Variants in PDE3A observed in about 807,000 individuals in gnomAD.
PDE3A encodes phosphodiesterase 3A.
In PDE3A, 43 loss-of-function variants were observed where a neutral mutation model predicts 98.3. The ratio of observed to expected loss-of-function variants is 0.44; its 90% confidence interval spans 0.34 to 0.56. PDE3A has a LOEUF of 0.56. Ranked by LOEUF, PDE3A falls within the 20% of genes least tolerant of loss-of-function variation. The pLI is 0.01. For synonymous variants in PDE3A, 663 were observed against 567.9 expected (o/e 1.17, Z -2.38); for missense variants, 1,427 against 1,440.7 (o/e 0.99, Z 0.15).
chr12:20,563,331 A>G (rs1308260879), intron 2 of PDE3A, among the ~76,000 whole-genome samples: 3 of 152,306 alleles, frequency 2.0e-5, no homozygotes, highest in East Asian at 1.9e-4. Flanking sequence ...GAGTAATGCC[A>G]TATATATTTA....
At chr12:20,673,574 A>G (rs1945549224) in intron 15 of PDE3A, among the ~76,000 whole-genome samples, 2 of 150,482 alleles carry the variant, frequency 1.3e-5, no homozygotes, top group South Asian at 4.3e-4. Flanking sequence ...ATTGGAAAAC[A>G]TCATTCTCAG....
chr12:20,462,286 TTCGAGAC>T (rs1420612262), intron 1 of PDE3A, among the ~76,000 whole-genome samples: 1 of 152,046 alleles, frequency 6.6e-6, no homozygotes, highest in African/African-American at 2.4e-5. Context: ...AGGTCAGGAG[TTCGAGAC>T]CAGCCTGGCC....
At chr12:20,669,808 C>A (rs1283245613) in intron 15 of PDE3A, among the ~76,000 whole-genome samples, 1 of 151,082 alleles carries the variant, frequency 6.6e-6, no homozygotes, top group Non-Finnish European at 1.5e-5. Flanking sequence ...GCAAAATAAC[C>A]AGCTAACATC....
At chr12:20,504,411 G>A (rs750251997) in intron 1 of PDE3A, among the ~76,000 whole-genome samples, 4 of 151,966 alleles carry the variant, frequency 2.6e-5, no homozygotes, top group Non-Finnish European at 5.9e-5. Context: ...CTATTAAAGA[G>A]ACCATATTCT....
chr12:20,576,377 A>G (rs1216173700), intron 2 of PDE3A, among the ~76,000 whole-genome samples: 1 of 152,106 alleles, frequency 6.6e-6, no homozygotes, highest in Admixed American at 6.6e-5. Context: ...GTACTATTTC[A>G]TATGTTACAA....
At chr12:20,422,461 A>G (rs910012449) in intron 1 of PDE3A, among the ~76,000 whole-genome samples, 5 of 152,216 alleles carry the variant, frequency 3.3e-5, no homozygotes, top group Admixed American at 2.0e-4. Flanking sequence ...AATGGAATCT[A>G]ATATGAAGTT....
In PDE3A at chr12:20,686,008, A is replaced by T. The variant is rs1481075206; in HGVS notation, c.*5737A>T. 6.6e-6 allele frequency among the ~76,000 whole-genome samples: 1 copy of T among 152,166 alleles called. No homozygotes were observed. Among genetic ancestry groups the T allele is most frequent in the East Asian group, 1.9e-4 (1 of 5,194 alleles). Reference sequence around the variant, plus strand: ...AACTTAAAATGAAACCCACAAAATGACATTCCGTGGTACTGAGTATTTTCA... The same window carrying T: ...AACTTAAAATGAAACCCACAAAATGTCATTCCGTGGTACTGAGTATTTTCA... On this transcript the variant is annotated 3_prime_UTR_variant, in exon 16 of 16. Coordinates refer to ENST00000359062, the MANE Select transcript of PDE3A (RefSeq NM_000921.5).
intron 1 of PDE3A, among the ~76,000 whole-genome samples, chr12:20,380,240 G>A (rs547529892): frequency 2.0e-5 from 3 of 151,946 alleles, no homozygotes; most frequent in African/African-American, 7.2e-5. Context: ...ACAAAACAAA[G>A]TTTGAGATGG....
Position 20,572,055 on chromosome 12 carries a change from C to A in PDE3A, c.1011+15345C>A, listed in dbSNP as rs562877900. ...GAGTTGCAATCAGTATTCATGAAAGCATGTTTTTAAAAAAATGAGAATCAG... is the reference window on the plus strand; with the variant it reads ...GAGTTGCAATCAGTATTCATGAAAGAATGTTTTTAAAAAAATGAGAATCAG... On this transcript the variant is annotated intron_variant, in intron 2 of 15. Coordinates refer to ENST00000359062, the MANE Select transcript of PDE3A (RefSeq NM_000921.5). 22 of 1,191,366 alleles carry A rather than the reference C, an allele frequency of 1.8e-5. No homozygotes were observed. In the South Asian group the frequency reaches 3.0e-4, roughly 16 times the overall value. The allele number at this position is 1,191,366 out of a possible 1,614,324, so 73.8% of individuals were successfully genotyped here. A position where few individuals can be genotyped will look rare whatever the true frequency, so the allele number is the denominator to read the frequency against.
At chr12:20,677,766 A>C (rs7960372) in intron 15 of PDE3A, among the ~76,000 whole-genome samples, 1 of 151,922 alleles carries the variant, frequency 6.6e-6, no homozygotes, top group Admixed American at 6.6e-5. Context: ...TTTGTCAGGG[A>C]AACTTTTTCT....
intron 2 of PDE3A, among the ~76,000 whole-genome samples, chr12:20,569,751 G>C (rs1942750644): frequency 6.6e-6 from 1 of 152,112 alleles, no homozygotes; most frequent in African/African-American, 2.4e-5. Flanking sequence ...TAAAACTTCA[G>C]TGTGCAAAGT....
At position 20,552,767 on chromosome 12, in the gene PDE3A, T is replaced by C. The variant is rs572727268; in HGVS notation, c.961-3893T>C. ...CCGGCGAGCGGCAGCCCGTTCCAGT[T>C]GTTCCTGAGTAAAGTGGAGGAGACG... On this transcript the variant is annotated intron_variant, in intron 1 of 15. Transcript: ENST00000359062. This position sits in a 1 kb window ranked among gnomAD's most constrained non-coding sequence, Gnocchi z 5.1. 3.4e-5 allele frequency: 55 copies of C among 1,614,054 alleles called. No individual in the cohort carries two copies. In the African/African-American group the frequency reaches 6.8e-4, roughly 20 times the overall value.
chr12:20,577,130 C>T (rs183212709), intron 2 of PDE3A, among the ~76,000 whole-genome samples: 10 of 152,010 alleles, frequency 6.6e-5, no homozygotes, highest in Admixed American at 4.6e-4. Context: ...ATGAACCACC[C>T]CCACCCCCAA....
At chr12:20,403,080 T>C (rs568899920) in intron 1 of PDE3A, among the ~76,000 whole-genome samples, 1 of 152,246 alleles carries the variant, frequency 6.6e-6, no homozygotes, top group Non-Finnish European at 1.5e-5. Context: ...TTATTGTTGC[T>C]GTTACATTGG....
At chr12:20,624,577 G>A (rs143871991) in intron 5 of PDE3A, among the ~76,000 whole-genome samples, 5 of 152,260 alleles carry the variant, frequency 3.3e-5, no homozygotes, top group African/African-American at 1.2e-4. Context: ...AGTGCATAAG[G>A]CATTTCTATC....
At chr12:20,378,478 G>C (rs891835024) in intron 1 of PDE3A, among the ~76,000 whole-genome samples, 1 of 151,264 alleles carries the variant, frequency 6.6e-6, no homozygotes, top group African/African-American at 2.4e-5. Flanking sequence ...ATTGGGACAG[G>C]GTATATTACT....
At chr12:20,663,689 G>T (rs1945236943) in intron 15 of PDE3A, among the ~76,000 whole-genome samples, 1 of 152,250 alleles carries the variant, frequency 6.6e-6, no homozygotes, top group South Asian at 2.1e-4. Context: ...TACCATCATT[G>T]TATCTGGGAA....
intron 12 of PDE3A, among the ~76,000 whole-genome samples, chr12:20,647,968 A>C (rs1944816139): frequency 6.6e-6 from 1 of 151,722 alleles, no homozygotes; most frequent in African/African-American, 2.4e-5. Flanking sequence ...ATTTCTCCAT[A>C]GGCTATCTTG....
At position 20,564,090 on chromosome 12, in the gene PDE3A, T is replaced by C. The variant is rs538280850; in HGVS notation, c.1011+7380T>C. On this transcript the variant is annotated intron_variant, in intron 2 of 15. Coordinates refer to ENST00000359062, the MANE Select transcript of PDE3A (RefSeq NM_000921.5). ...AGTGTCAAGAGGATGGGGAGACATT[T>C]CTCTCTGTCCTCAGAGAAGGGAAAA... is the stretch of plus-strand genomic sequence containing the variant. Among the ~76,000 whole-genome samples the C allele has an allele frequency of 8.5e-5, 13 of 152,194 alleles. No homozygotes were observed. The East Asian group carries it at 2.3e-3, about 27-fold the overall frequency.
Sources: allele counts gnomAD v4.1 joint callset (sites outside exome capture counted in the v4.1 genomes callset), GRCh38; gene constraint gnomAD v4.1.1; non-coding constraint Gnocchi (gnomAD v3.1); transcripts MANE v1.5; gene names NCBI Gene and HGNC (gene_info 2026-07-23, HGNC 2026-07-21).